Variants in METTL22 observed in about 807,000 individuals in gnomAD.
The protein encoded by METTL22 is methyltransferase-like protein 22.
Under a neutral mutation model 48.4 loss-of-function variants are expected in METTL22, and 51 were observed. The observed-to-expected ratio is 1.05, with a 90% CI of 0.84 to 1.33. The LOEUF (loss-of-function observed/expected upper bound fraction) is 1.33. Among genes scored for constraint, METTL22 ranks in the 40% most tolerant of loss-of-function variants. The pLI, the probability that METTL22 is intolerant of heterozygous loss-of-function variation, is 0.00. For missense variants in METTL22, 678 were observed against 526.9 expected, an observed-to-expected ratio of 1.29 and a Z score of -2.81; for synonymous variants, 255 against 214.1, an observed-to-expected ratio of 1.19 and a Z score of -1.67.
At position 8,635,053 on chromosome 16, in the gene METTL22, A is replaced by C; in HGVS notation, c.529A>C (p.Thr177Pro). 6.2e-7 allele frequency: 1 copy of C among 1,613,642 alleles called. No individual in the cohort carries two copies. The highest frequency in any genetic ancestry group is 2.2e-5 in the East Asian group (1 of 44,876). The stretch of plus-strand genomic sequence containing the variant: ...GTCCCATCCAGAGCACACCATGGCC[A>C]CGCCCCTGGAGGATGTTGGCAAGCA... ...DIIRIEHTMA[T>P]PLEDVGKQVW... Residue 177 changes from threonine to proline, a missense_variant, in exon 4 of 11, where the codon ACG (threonine) becomes CCG (proline). Coordinates refer to ENST00000381920, the MANE Select transcript of METTL22 (RefSeq NM_024109.4).
chr16:8,655,005 A>G, the METTL22 span, among the ~76,000 whole-genome samples: 6 of 152,360 alleles, frequency 3.9e-5, no homozygotes, highest in Non-Finnish European at 8.8e-5. Context: ...GAAAAAAGGG[A>G]GTAACTCAAA....
At chr16:8,627,427 C>CGAG (rs2056098528) in intron 2 of METTL22, among the ~76,000 whole-genome samples, 1 of 152,094 alleles carries the variant, frequency 6.6e-6, no homozygotes, top group African/African-American at 2.4e-5. Flanking sequence ...GCTTTCCTCC[C>CGAG]CTCCTGGCTC....
In METTL22 at chr16:8,648,286, A is replaced by G. The variant is rs1482305662; in HGVS notation, c.*2143A>G. On this transcript the variant is annotated 3_prime_UTR_variant, in exon 11 of 11. Coordinates refer to ENST00000381920, the MANE Select transcript of METTL22 (RefSeq NM_024109.4). ...GGTTGCAGTGAGCCAAGATCGCAAC[A>G]CTGCCCTCCAGCCTGGGCAACAGAG... 1.3e-5 allele frequency: 2 copies of G among 152,210 alleles called. No homozygotes were observed. Among genetic ancestry groups the G allele is most frequent in the Non-Finnish European group, 2.9e-5 (2 of 68,172 alleles). 9.4% of individuals were successfully genotyped at this position (152,210 alleles called of 1,614,324 possible). A position where few individuals can be genotyped will look rare whatever the true frequency, so the allele number is the denominator to read the frequency against.
intron 6 of METTL22, 37 bp downstream of exon 6, chr16:8,639,199 TTC>T: frequency 6.2e-7 from 1 of 1,607,690 alleles, no homozygotes; most frequent in Non-Finnish European, 8.5e-7. Context: ...GGAGGGAGGT[TTC>T]TCTGTTTAGC....
chr16:8,627,169 T>C (rs1261632763), intron 2 of METTL22, among the ~76,000 whole-genome samples: 2 of 152,110 alleles, frequency 1.3e-5, no homozygotes, highest in Non-Finnish European at 2.9e-5. Context: ...GGACGTCTTT[T>C]GAAAATGCAG....
At chr16:8,629,758 C>T (rs2056190707) in intron 3 of METTL22, among the ~76,000 whole-genome samples, 1 of 152,064 alleles carries the variant, frequency 6.6e-6, no homozygotes. Flanking sequence ...GGTTTGCTGA[C>T]TCTAGGATTT....
In METTL22 at chr16:8,628,905, G is replaced by T. The variant is rs1452128904; in HGVS notation, c.309G>T (p.Gly103=). The T allele has an allele frequency of 1.2e-6, 2 of 1,613,842 alleles. No homozygotes were observed. The highest frequency in any genetic ancestry group is 1.6e-4 in the Middle Eastern group (1 of 6,084). ...HGNEGFSLQA[G]TDTTGQEVAE... is the part of the protein sequence containing the mutation. ...ATGAGGGTTTCTCCCTCCAGGCCGG[G>T]ACTGACACCACTGGCCAGGAAGTGG... Residue 103 remains glycine, a synonymous_variant, in exon 3 of 11, where the codon GGG becomes GGT. Transcript: ENST00000381920.
intron 5 of METTL22, among the ~76,000 whole-genome samples, chr16:8,637,791 ACC>A (rs2056468019): frequency 1.3e-5 from 2 of 152,282 alleles, no homozygotes; most frequent in South Asian, 4.1e-4. Flanking sequence ...CTCCTCTCTT[ACC>A]TGTTTTATAG....
At chr16:8,650,909 A>G (rs7195851), downstream of METTL22, among the ~76,000 whole-genome samples, 150,297 of 152,260 alleles carry the variant, frequency 0.99, 74,217 homozygotes, top group Middle Eastern at 1. Context: ...CTGTAATTCC[A>G]GCTACTCTGG....
At position 8,646,390 on chromosome 16, in the gene METTL22, C is replaced by A; in HGVS notation, c.*247C>A. ...TTTCTCATGGTTGTGATGTGTGCTC[C>A]AGGGTCAAGCCGAGCCACGTTCCTT... On this transcript the variant is annotated 3_prime_UTR_variant, in exon 11 of 11. Transcript: ENST00000381920. The A allele has an allele frequency of 1.5e-6, 1 of 689,002 alleles. No homozygotes were observed. The highest frequency in any genetic ancestry group is 2.0e-5 in the Admixed American group (1 of 49,474). 42.7% of individuals were successfully genotyped at this position (689,002 alleles called of 1,614,324 possible). A position where few individuals can be genotyped will look rare whatever the true frequency, so the allele number is the denominator to read the frequency against.
intron 10 of METTL22, among the ~76,000 whole-genome samples, chr16:8,645,415 A>T (rs2056756372): frequency 6.6e-6 from 1 of 152,146 alleles, no homozygotes; most frequent in African/African-American, 2.4e-5. Flanking sequence ...CAGCATTAAG[A>T]GTAGCGTCAC....
chr16:8,638,707 A>G (rs934873213), intron 5 of METTL22, among the ~76,000 whole-genome samples: 1 of 152,198 alleles, frequency 6.6e-6, no homozygotes, highest in Non-Finnish European at 1.5e-5. Context: ...TGCTCTCAAT[A>G]GCTGCATGAC....
rs575263658 is a variant in METTL22, at chr16:8,625,118, G to T, written c.-170-378G>T. Among the ~76,000 whole-genome samples, 76 of 152,204 alleles carry T rather than the reference G, an allele frequency of 5.0e-4. No homozygotes were observed. In the South Asian group the frequency reaches 0.014, roughly 28 times the overall value. ...ATTAATTAACTTAGATTTGCTAATGGTCTTATGATTATATAGGGAAATGCT... is the reference window on the plus strand; with the variant it reads ...ATTAATTAACTTAGATTTGCTAATGTTCTTATGATTATATAGGGAAATGCT... On this transcript the variant is annotated intron_variant, in intron 1 of 10. Coordinates refer to ENST00000381920, the MANE Select transcript of METTL22 (RefSeq NM_024109.4).
intron 10 of METTL22, 130 bp downstream of exon 10, chr16:8,644,855 C>T (rs2056738115): frequency 7.4e-6 from 7 of 949,262 alleles, no homozygotes; most frequent in Non-Finnish European, 7.4e-6. Context: ...GTGAAGCCTG[C>T]GTGCCTGGCA....
chr16:8,666,876 T>G, the METTL22 span: 1 of 151,412 alleles, frequency 6.6e-6, no homozygotes, highest in African/African-American at 2.4e-5. Flanking sequence ...AACCTCCGCC[T>G]CTCGTATTCA....
intron 1 of METTL22, chr16:8,624,050 G>A (rs62019679): frequency 0.094 from 14,251 of 152,234 alleles, 747 homozygotes; most frequent in Middle Eastern, 0.14. Flanking sequence ...GTAACACTGC[G>A]TGAGATTGTG....
At chr16:8,629,212 C>G in intron 3 of METTL22, 102 bp downstream of exon 3, 1 of 1,461,724 alleles carries the variant, frequency 6.8e-7, no homozygotes, top group East Asian at 2.3e-5. Flanking sequence ...CAGGCCCAGG[C>G]AGCACAGGTT....
At chr16:8,638,828 G>A (rs1028420435) in intron 5 of METTL22, among the ~76,000 whole-genome samples, 2 of 152,220 alleles carry the variant, frequency 1.3e-5, no homozygotes, top group African/African-American at 4.8e-5. Context: ...CATGTGCTCG[G>A]ATGATGTTGG....
At chr16:8,663,810 A>T in the METTL22 span, among the ~76,000 whole-genome samples, 5 of 152,118 alleles carry the variant, frequency 3.3e-5, no homozygotes, top group African/African-American at 1.2e-4. Flanking sequence ...AGACTAGAGG[A>T]GTTACACTAG....
Sources: gnomAD v4.1 joint callset for allele counts (sites outside exome capture counted in the v4.1 genomes callset) on GRCh38, gnomAD v4.1.1 for gene constraint, MANE v1.5 for transcripts, NCBI Gene and HGNC (gene_info 2026-07-23, HGNC 2026-07-21) for gene names.